The following HOPX variants were observed in gnomAD, a reference collection of about 807,000 sequenced individuals.
HOPX encodes HOP homeobox, also known as homeodomain-only protein.
HOPX carries 5 observed loss-of-function variants against 11.8 expected under a neutral mutation model. The observed-to-expected ratio is 0.43, with a 90% CI of 0.22 to 0.89. The LOEUF is 0.89. HOPX is among the 40% of genes least tolerant of loss of function. The pLI, the probability that HOPX is intolerant of heterozygous loss-of-function variation, is 0.28. For synonymous variants in HOPX, 49 were observed against 49.7 expected (o/e 0.99, Z 0.06); for missense variants, 119 against 120.0 (o/e 0.99, Z 0.04).
chr4:56,651,188 T>G (rs969815344), intron 3 of HOPX: 9 of 159,110 alleles, frequency 5.7e-5, no homozygotes, highest in African/African-American at 2.2e-4. Flanking sequence ...AGAATATTGA[T>G]GGACTGTTAC....
intron 2 of HOPX, chr4:56,656,424 A>G: frequency 1.0e-6 from 1 of 989,442 alleles, no homozygotes; most frequent in Non-Finnish European, 1.2e-6. Flanking sequence ...CGAAAGGGGG[A>G]CCTCCCCTGG....
intron 1 of HOPX, among the ~76,000 whole-genome samples, chr4:56,672,423 C>T (rs1718786885): frequency 6.6e-6 from 1 of 151,824 alleles, no homozygotes; most frequent in Non-Finnish European, 1.5e-5. Flanking sequence ...CCTGTAATCC[C>T]AGCTGCTCTG....
intron 1 of HOPX, among the ~76,000 whole-genome samples, chr4:56,671,446 T>A (rs1188288716): frequency 6.6e-6 from 1 of 152,098 alleles, no homozygotes; most frequent in Admixed American, 6.5e-5. Context: ...AGATTATTAT[T>A]TTTATGGTCC....
intron 3 of HOPX, among the ~76,000 whole-genome samples, chr4:56,654,445 A>C (rs979216212): frequency 2.8e-4 from 43 of 152,080 alleles, no homozygotes; most frequent in African/African-American, 9.9e-4. Context: ...CTCCATGATC[A>C]CTCCTCTTTT....
chr4:56,648,998 CTCTCTTT>C (rs1378621804), intron 3 of HOPX: 5 of 471,662 alleles, frequency 1.1e-5, no homozygotes, highest in Admixed American at 6.8e-5. Flanking sequence ...TTAGAATATT[CTCTCTTT>C]ATTCTTTATC....
chr4:56,652,416 G>T (rs1354040891), intron 3 of HOPX, among the ~76,000 whole-genome samples: 1 of 152,152 alleles, frequency 6.6e-6, no homozygotes, highest in Non-Finnish European at 1.5e-5. Flanking sequence ...CTGGAGGTGG[G>T]TGGTGTTGGG....
At chr4:56,681,098 T>C in intron 1 of HOPX, 157 bp downstream of exon 1, 2 of 982,516 alleles carry the variant, frequency 2.0e-6, no homozygotes, top group Non-Finnish European at 2.4e-6. Flanking sequence ...CAGCATTTCC[T>C]AGCTTCTGCT....
chr4:56,651,867 A>AGTGTGTGTGTTTGTGTGT (rs1357851813), intron 3 of HOPX, among the ~76,000 whole-genome samples: 43 of 128,436 alleles, frequency 3.3e-4, no homozygotes, highest in African/African-American at 1.2e-3. Flanking sequence ...AAAGAGAGAG[A>AGTGTGTGTGTTTGTGTGT]GAGAGAGTGT....
At chr4:56,676,964 G>C (rs145274399) in intron 1 of HOPX, among the ~76,000 whole-genome samples, 4,093 of 151,818 alleles carry the variant, frequency 0.027, 113 homozygotes, top group Non-Finnish European at 0.041. Flanking sequence ...GGGAGGGGGT[G>C]GGGGGGCTGC....
At chr4:56,651,640 A>G (rs1354006710) in intron 3 of HOPX, among the ~76,000 whole-genome samples, 1 of 152,130 alleles carries the variant, frequency 6.6e-6, no homozygotes, top group Non-Finnish European at 1.5e-5. Flanking sequence ...GCAAAGGAAC[A>G]TTGTTCCTGT....
rs1716860384 is a variant in HOPX at position 56,648,544 on chromosome 4, A to G, written c.*176T>C. 4 of 454,922 alleles carry G rather than the reference A, an allele frequency of 8.8e-6. No individual in the cohort carries two copies. The South Asian group carries it at 2.8e-4, about 32-fold the overall frequency. The allele number at this position is 454,922 out of a possible 1,614,324, so 28.2% of individuals were successfully genotyped here. ...AAGATACACATAGCTTCCTATTGTT[A>G]TTTTCTTTTCTAATTATGTACATTT... On this transcript the variant is annotated 3_prime_UTR_variant, in exon 4 of 4. Transcript: ENST00000420433.
intron 1 of HOPX, among the ~76,000 whole-genome samples, chr4:56,673,856 C>A (rs1275104202): frequency 6.6e-6 from 1 of 151,714 alleles, no homozygotes; most frequent in East Asian, 1.9e-4. Flanking sequence ...AGGCATGCAC[C>A]AACATGCCCA....
chr4:56,679,921 ATTT>A (rs1157350562), intron 1 of HOPX: 1 of 152,166 alleles, frequency 6.6e-6, no homozygotes, highest in Admixed American at 6.5e-5. Flanking sequence ...AACAAGATCC[ATTT>A]TTTCTTTTCT....
intron 3 of HOPX, among the ~76,000 whole-genome samples, chr4:56,651,982 C>A (rs1449828045): frequency 1.3e-5 from 2 of 151,788 alleles, no homozygotes; most frequent in Non-Finnish European, 2.9e-5. Flanking sequence ...ATTTCCCAGC[C>A]TCTTCTAAAA....
intron 1 of HOPX, among the ~76,000 whole-genome samples, chr4:56,669,749 G>T (rs575840499): frequency 6.6e-5 from 10 of 152,062 alleles, no homozygotes; most frequent in African/African-American, 2.4e-4. Context: ...AGGCAAACCT[G>T]GATATCGGGT....
At chr4:56,662,347 G>T (rs1224928722) in intron 1 of HOPX, 2 of 152,160 alleles carry the variant, frequency 1.3e-5, no homozygotes, top group African/African-American at 4.8e-5. Context: ...GAGTTAAATT[G>T]TCTACAGCAT....
At chr4:56,676,812 G>A (rs1719040426) in intron 1 of HOPX, among the ~76,000 whole-genome samples, 1 of 151,636 alleles carries the variant, frequency 6.6e-6, no homozygotes, top group African/African-American at 2.4e-5. Context: ...TCCCCAGAAG[G>A]GATGTTAATT....
At chr4:56,667,988 G>C (rs1421006314) in intron 1 of HOPX, among the ~76,000 whole-genome samples, 1 of 152,136 alleles carries the variant, frequency 6.6e-6, no homozygotes, top group Non-Finnish European at 1.5e-5. Flanking sequence ...GCAGTGGTGC[G>C]ATCTCGGCTC....
intron 3 of HOPX, chr4:56,650,938 G>A (rs770949709): frequency 1.1e-6 from 1 of 903,758 alleles, no homozygotes; most frequent in Admixed American, 3.1e-5. Flanking sequence ...TCTGGTATGA[G>A]AGCAGCAAGG....
Sources: gnomAD v4.1 joint callset for allele counts (sites outside exome capture counted in the v4.1 genomes callset) on GRCh38, gnomAD v4.1.1 for gene constraint, MANE v1.5 for transcripts, NCBI Gene and HGNC (gene_info 2026-07-23, HGNC 2026-07-21) for gene names.